Variants in EMG1 observed in about 807,000 individuals in gnomAD.
The protein encoded by EMG1 is EMG1 N1-specific pseudouridine methyltransferase, also known as ribosomal RNA small subunit methyltransferase NEP1.
EMG1 carries 24 observed loss-of-function variants against 26.9 expected under a neutral mutation model. The ratio of observed to expected loss-of-function variants is 0.89; its 90% CI spans 0.65 to 1.26. The LOEUF (loss-of-function observed/expected upper bound fraction) is 1.26. EMG1 is among the 50% of genes most tolerant of loss of function. EMG1 has a pLI of 0.00. For missense variants in EMG1, 299 were observed against 307.6 expected (o/e 0.97, Z 0.21); for synonymous variants, 140 against 112.6 (o/e 1.24, Z -1.54).
At chr12:6,974,152 C>T (rs934696841) in intron 1 of EMG1, among the ~76,000 whole-genome samples, 187 bp from the exon 2 acceptor site, 7 of 152,170 alleles carry the variant, frequency 4.6e-5, no homozygotes, top group Non-Finnish European at 8.8e-5. Context: ...ACAGTAATCC[C>T]CCGAAGGGCT....
At chr12:6,989,071 C>T (rs926124600), downstream of EMG1, among the ~76,000 whole-genome samples, 2 of 150,888 alleles carry the variant, frequency 1.3e-5, no homozygotes, top group Non-Finnish European at 2.9e-5. Context: ...TGTGGTGAGC[C>T]GAGATCACGC....
chr12:6,982,983 T>A, downstream of EMG1: 1 of 641,472 alleles, frequency 1.6e-6, no homozygotes, highest in African/African-American at 1.8e-5. Flanking sequence ...TTCTTTTCTT[T>A]TTTTGTTTGT....
At chr12:6,971,127 G>T in intron 1 of EMG1, 36 bp downstream of exon 1, 1 of 1,563,810 alleles carries the variant, frequency 6.4e-7, no homozygotes, top group Non-Finnish European at 8.7e-7. Context: ...GTAGTAAATC[G>T]ATAGGTTGGG....
At chr12:6,984,812 TGGGC>T (rs1946504962), downstream of EMG1, among the ~76,000 whole-genome samples, 1 of 152,160 alleles carries the variant, frequency 6.6e-6, no homozygotes, top group African/African-American at 2.4e-5. Flanking sequence ...CTTGACCTCC[TGGGC>T]TCAAGGAATC....
chr12:6,992,099 A>T (rs1479992734), downstream of EMG1, among the ~76,000 whole-genome samples: 1 of 152,100 alleles, frequency 6.6e-6, no homozygotes, highest in Non-Finnish European at 1.5e-5. Context: ...TCAAGGACTG[A>T]CATTTGATAC....
At chr12:6,983,508 G>A (rs1350136653), downstream of EMG1, 21 of 1,612,050 alleles carry the variant, frequency 1.3e-5, no homozygotes, top group Non-Finnish European at 1.8e-5. Flanking sequence ...TGTAGAAAAG[G>A]TAATGCCGAT....
chr12:6,972,426 C>G (rs782550898), intron 1 of EMG1, among the ~76,000 whole-genome samples: 2 of 152,218 alleles, frequency 1.3e-5, no homozygotes, highest in East Asian at 3.9e-4. Flanking sequence ...CTTTTTGGAG[C>G]CATATATCTC....
intron 1 of EMG1, among the ~76,000 whole-genome samples, chr12:6,972,101 GTC>G (rs1344290933): frequency 7.3e-6 from 1 of 137,854 alleles, no homozygotes; most frequent in African/African-American, 2.8e-5. Flanking sequence ...TGGAGTCTCA[GTC>G]TCTACCAGGC....
chr12:6,975,155 T>C lies in EMG1; in HGVS notation c.471+7T>C. The C allele has an allele frequency of 6.2e-7, 1 of 1,614,012 alleles. No individual in the cohort carries two copies. The highest frequency in any genetic ancestry group is 8.5e-7 in the Non-Finnish European group (1 of 1,179,874). Reference sequence around the variant, plus strand: ...CCCCCAGAAGCTTTTGAAGGTGAGGTATTGAAACCTGTTAGTTGAAGGCTG... The same window carrying C: ...CCCCCAGAAGCTTTTGAAGGTGAGGCATTGAAACCTGTTAGTTGAAGGCTG... On this transcript the variant is annotated splice_region_variant and intron_variant, in intron 4 of 5. Transcript: ENST00000599672.
At position 6,977,873 on chromosome 12, in the gene EMG1, G is replaced by GTT; in HGVS notation, c.*2064_*2065insTT. 1 of 1,081,094 alleles carries GTT rather than the reference G, an allele frequency of 9.2e-7. No individual in the cohort carries two copies. The highest frequency in any genetic ancestry group is 1.4e-6 in the Non-Finnish European group (1 of 730,872). The allele number at this position is 1,081,094 out of a possible 1,614,324, so 67.0% of individuals were successfully genotyped here. A position where few individuals can be genotyped will look rare whatever the true frequency, so the allele number is the denominator to read the frequency against. ...GGGTTCCCACGTGTAGCCCCCAGAG[G>GTT]GTACAGGAGGCAGTGCTGACTGATT... is the stretch of plus-strand genomic sequence containing the variant. On this transcript the variant is annotated 3_prime_UTR_variant, in exon 6 of 6. Coordinates refer to ENST00000599672, the MANE Select transcript of EMG1 (RefSeq NM_006331.8). The surrounding 1 kb of genome is among the most constrained non-coding windows in gnomAD (Gnocchi z 4.5).
At chr12:6,972,542 C>T (rs1419306806) in intron 1 of EMG1, among the ~76,000 whole-genome samples, 1 of 152,184 alleles carries the variant, frequency 6.6e-6, no homozygotes, top group African/African-American at 2.4e-5. Context: ...ACTGACCACC[C>T]TAATGCTCCT....
At chr12:6,982,464 C>T (rs1946479875), downstream of EMG1, among the ~76,000 whole-genome samples, 3 of 152,146 alleles carry the variant, frequency 2.0e-5, no homozygotes, top group Admixed American at 2.0e-4. Context: ...AGCTGGTGGC[C>T]CTTCCTTGAG....
downstream of EMG1, among the ~76,000 whole-genome samples, chr12:6,990,324 A>G (rs1946575941): frequency 6.6e-6 from 1 of 151,216 alleles, no homozygotes. Context: ...CCTGGTTAAC[A>G]TGGTGAAACC....
At chr12:6,974,260 TG>T (rs1946365884) in intron 1 of EMG1, 78 bp from the exon 2 acceptor site, 1 of 1,018,470 alleles carries the variant, frequency 9.8e-7, no homozygotes, top group Non-Finnish European at 1.5e-6. Context: ...GCTGGTAGTT[TG>T]GGGACCACAC....
At position 6,977,000 on chromosome 12, in the gene EMG1, GC is replaced by G; in HGVS notation, c.*1194del. 3.0e-6 allele frequency: 2 copies of G among 657,556 alleles called. No individual in the cohort carries two copies. The highest frequency in any genetic ancestry group is 5.5e-6 in the Non-Finnish European group (2 of 365,286). The allele number at this position is 657,556 out of a possible 1,614,324, so 40.7% of individuals were successfully genotyped here. On this transcript the variant is annotated 3_prime_UTR_variant, in exon 6 of 6. Coordinates refer to ENST00000599672, the MANE Select transcript of EMG1 (RefSeq NM_006331.8). ...GCCTCAATAAGTCACAGTAGTCATT[GC>G]CCATACTGTGTTCCTTAGTAGCCAG...
At chr12:6,973,333 A>C (rs917586215) in intron 1 of EMG1, among the ~76,000 whole-genome samples, 27 of 150,994 alleles carry the variant, frequency 1.8e-4, no homozygotes, top group Non-Finnish European at 3.7e-4. Flanking sequence ...ATGCCCAGCT[A>C]ATTTTTGTAT....
chr12:6,981,937 A>C (rs781876790), downstream of EMG1: 2 of 1,088,414 alleles, frequency 1.8e-6, no homozygotes, highest in South Asian at 2.5e-5. Context: ...TTCTAGCATC[A>C]CTACTATTTC....
chr12:6,977,664 G>A lies in EMG1; in HGVS notation c.*1855G>A, dbSNP rs782081649. On this transcript the variant is annotated 3_prime_UTR_variant, in exon 6 of 6. Transcript: ENST00000599672. The surrounding 1 kb of genome is among the most constrained non-coding windows in gnomAD (Gnocchi z 4.5). Reference sequence around the variant, plus strand: ...AGACCAGGTATCCTGAGTGCAGGCCGTGCCAGAGGGCCAGGAATAGCAACG... The same window carrying A: ...AGACCAGGTATCCTGAGTGCAGGCCATGCCAGAGGGCCAGGAATAGCAACG... The A allele has an allele frequency of 2.5e-5, 40 of 1,614,090 alleles. No individual in the cohort carries two copies. Among genetic ancestry groups the A allele is most frequent in the South Asian group, 2.2e-4 (20 of 91,086 alleles).
Position 6,987,635 on chromosome 12 carries a change from A to C in EMG1, c.*155-147A>C. 1 of 393,084 alleles carries C rather than the reference A, an allele frequency of 2.5e-6. No individual in the cohort carries two copies. Among genetic ancestry groups the C allele is most frequent in the South Asian group, 1.4e-4 (1 of 6,994 alleles). 24.3% of individuals were successfully genotyped at this position (393,084 alleles called of 1,614,324 possible). A position where few individuals can be genotyped will look rare whatever the true frequency, so the allele number is the denominator to read the frequency against. ...AAAAAATATAAAACAGTAGATAATT[A>C]TCTAGAGCACTCATAAATAAGTTCT... On this transcript the variant is annotated intron_variant and NMD_transcript_variant, in intron 6 of 7. Coordinates refer to the EMG1 transcript ENST00000261406. This position sits in a 1 kb window ranked among gnomAD's most constrained non-coding sequence, Gnocchi z 4.1.
Sources: allele counts gnomAD v4.1 joint callset (sites outside exome capture counted in the v4.1 genomes callset), GRCh38; gene constraint gnomAD v4.1.1; non-coding constraint Gnocchi (gnomAD v3.1); transcripts MANE v1.5; gene names NCBI Gene and HGNC (gene_info 2026-07-23, HGNC 2026-07-21).